The following FMO1 variants were observed in gnomAD, a reference collection of about 807,000 sequenced individuals.
The protein encoded by FMO1 is flavin-containing monooxygenase 1.
Under a neutral mutation model 45.4 loss-of-function variants are expected in FMO1, and 36 were observed. The observed-to-expected ratio is 0.79, with a 90% CI of 0.61 to 1.05. The LOEUF (loss-of-function observed/expected upper bound fraction) is 1.05, where lower values mean the gene tolerates loss of function less well. Ranked by LOEUF, FMO1 falls within the 50% of genes least tolerant of loss-of-function variation. The pLI is 0.00. For synonymous variants in FMO1, 228 were observed against 227.2 expected, an observed-to-expected ratio of 1.00 and a Z score of -0.03; for missense variants, 615 against 640.3, an observed-to-expected ratio of 0.96 and a Z score of 0.43.
intron 1 of FMO1, among the ~76,000 whole-genome samples, chr1:171,255,832 G>T (rs1660122759): frequency 6.6e-6 from 1 of 152,178 alleles, no homozygotes; most frequent in South Asian, 2.1e-4. Context: ...GCTATGGTCA[G>T]ACCTGCTGTC....
chr1:171,262,243 T>C (rs1050257478), intron 2 of FMO1, among the ~76,000 whole-genome samples: 2 of 152,164 alleles, frequency 1.3e-5, no homozygotes, highest in African/African-American at 4.8e-5. Context: ...GAGACCAGCC[T>C]GGTCAACATG....
rs28360433 is a variant in FMO1, at chr1:171,285,366, G to A, written c.1421G>A (p.Arg474His). The A allele has an allele frequency of 1.2e-5, 20 of 1,613,666 alleles. No individual in the cohort carries two copies. The highest frequency in any genetic ancestry group is 4.0e-5 in the African/African-American group (3 of 74,836). The change falls in exon 9 of 9, where the codon CGC (arginine) becomes CAC (histidine). Residue 474 changes from arginine to histidine, a missense_variant. By Grantham distance (29) the Arg-to-His change is conservative. Coordinates refer to ENST00000617670, the MANE Select transcript of FMO1 (RefSeq NM_001282693.2). ...FFGPCSPYQF[R>H]LTGPGKWEGA... ...GGCCCATGCTCACCATACCAGTTCC[G>A]CTTGACTGGCCCAGGAAAATGGGAA...
In FMO1 at chr1:171,282,285, A is replaced by C. The variant is rs774035741; in HGVS notation, c.1135A>C (p.Ile379Leu). 1 of 1,613,886 alleles carries C rather than the reference A, an allele frequency of 6.2e-7. No homozygotes were observed. Among genetic ancestry groups the C allele is most frequent in the South Asian group, 1.1e-5 (1 of 91,050 alleles). ...CCTCATCAAACCCTTGGGCTCCATGATACCTACAGGAGAAACACAAGCTCG... is the reference window on the plus strand; with the variant it reads ...CCTCATCAAACCCTTGGGCTCCATGCTACCTACAGGAGAAACACAAGCTCG... The part of the protein sequence containing the change: ...IGLIKPLGSM[I>L]PTGETQARWA... Residue 379 changes from isoleucine to leucine, a missense_variant, in exon 7 of 9, where the codon ATA becomes CTA. Transcript: ENST00000617670.
In FMO1 at chr1:171,282,309, C is replaced by A; in HGVS notation, c.1159C>A (p.Arg387=). The A allele has an allele frequency of 6.2e-7, 1 of 1,611,524 alleles. No individual in the cohort carries two copies. The highest frequency in any genetic ancestry group is 8.5e-7 in the Non-Finnish European group (1 of 1,178,254). ...GATACCTACAGGAGAAACACAAGCTCGGTGGGCTGTTCGAGTCCTGAAAGG... is the reference window on the plus strand; with the variant it reads ...GATACCTACAGGAGAAACACAAGCTAGGTGGGCTGTTCGAGTCCTGAAAGG... ...SMIPTGETQA[R]WAVRVLKGVN... is the part of the protein sequence containing the mutation. The change falls in exon 7 of 9, where the codon CGG becomes AGG. Residue 387 remains arginine, a synonymous_variant. Coordinates refer to ENST00000617670, the MANE Select transcript of FMO1 (RefSeq NM_001282693.2).
At chr1:171,270,961 T>A in intron 3 of FMO1, 1 of 865,568 alleles carries the variant, frequency 1.2e-6, no homozygotes, top group Non-Finnish European at 1.9e-6. Flanking sequence ...TTATTCATCA[T>A]CTTCTTCATC....
At chr1:171,270,992 C>T (rs528179743) in intron 3 of FMO1, 3 of 926,562 alleles carry the variant, frequency 3.2e-6, no homozygotes, top group East Asian at 2.6e-5. Flanking sequence ...TCATCTACCT[C>T]CTCATCATAA....
At chr1:171,260,589 G>A (rs961123249) in intron 2 of FMO1, among the ~76,000 whole-genome samples, 11 of 152,120 alleles carry the variant, frequency 7.2e-5, no homozygotes, top group African/African-American at 2.7e-4. Context: ...GCACCTGCAA[G>A]GGTAAAGAGG....
At chr1:171,268,154 A>G (rs527783373) in intron 3 of FMO1, among the ~76,000 whole-genome samples, 2 of 152,176 alleles carry the variant, frequency 1.3e-5, no homozygotes, top group South Asian at 4.2e-4. Context: ...TGGCATGATC[A>G]TGGCTCACTG....
At chr1:171,266,948 C>T (rs1467680489) in intron 2 of FMO1, among the ~76,000 whole-genome samples, 2 of 152,182 alleles carry the variant, frequency 1.3e-5, no homozygotes, top group Non-Finnish European at 2.9e-5. Context: ...TTTGTTAGTG[C>T]TTTGCCACAC....
chr1:171,275,928 T>G (rs1661089128), intron 4 of FMO1, among the ~76,000 whole-genome samples: 1 of 152,136 alleles, frequency 6.6e-6, no homozygotes, highest in African/African-American at 2.4e-5. Flanking sequence ...TTTTTTCTAT[T>G]TGTTCCTCTT....
chr1:171,270,979 T>C (rs1660835330), intron 3 of FMO1: 2 of 894,090 alleles, frequency 2.2e-6, no homozygotes, highest in Admixed American at 4.1e-5. Context: ...ATCTTCATCT[T>C]CTTCATCTAC....
intron 4 of FMO1, among the ~76,000 whole-genome samples, chr1:171,278,007 A>G (rs1173499737): frequency 6.6e-6 from 1 of 152,240 alleles, no homozygotes; most frequent in African/African-American, 2.4e-5. Flanking sequence ...CTGTTAAAAA[A>G]GAAAAAGAGT....
rs28360413 is a variant in FMO1 at position 171,280,993 on chromosome 1, T to C, written c.827+8T>C. 6.2e-6 allele frequency: 10 copies of C among 1,611,976 alleles called. No homozygotes were observed. The highest frequency in any genetic ancestry group is 2.2e-5 in the East Asian group (1 of 44,860). ...CTTAATACCAGAAGACAGGTAAATATAATGTGACTGCCAAGGGCTTTTAGG... is the reference window on the plus strand; with the variant it reads ...CTTAATACCAGAAGACAGGTAAATACAATGTGACTGCCAAGGGCTTTTAGG... On this transcript the variant is annotated splice_region_variant and intron_variant, in intron 6 of 8. Transcript: ENST00000617670.
rs115467877 is a variant in FMO1, at chr1:171,274,338, G to A, written c.322-1008G>A. 1.0e-2 allele frequency among the ~76,000 whole-genome samples: 1,503 copies of A among 150,762 alleles called. 26 individuals are homozygous for A. Among genetic ancestry groups the A allele is most frequent in the African/African-American group, 0.034 (1,377 of 41,022 alleles). ...TGCAATGACACTATCATGGCTCACT[G>A]AAGCCTTGACTTCCCAAGCACAGGT... is the stretch of plus-strand genomic sequence containing the variant. On this transcript the variant is annotated intron_variant, in intron 3 of 8. Transcript: ENST00000617670.
chr1:171,274,701 G>T (rs189358260), intron 3 of FMO1, among the ~76,000 whole-genome samples: 4 of 152,272 alleles, frequency 2.6e-5, no homozygotes, highest in Admixed American at 6.5e-5. Flanking sequence ...CTTGGTGAGT[G>T]AATAATTTAT....
intron 2 of FMO1, among the ~76,000 whole-genome samples, chr1:171,261,338 C>T (rs1660371170): frequency 6.6e-6 from 1 of 152,052 alleles, no homozygotes; most frequent in Admixed American, 6.5e-5. Context: ...CACACACACA[C>T]ACACAAAAGG....
chr1:171,271,478 G>T (rs888524216), intron 3 of FMO1: 3 of 956,180 alleles, frequency 3.1e-6, no homozygotes, highest in African/African-American at 1.6e-5. Context: ...ACTCTGAGAA[G>T]TTGACTGAAG....
intron 2 of FMO1, among the ~76,000 whole-genome samples, chr1:171,262,062 A>C: frequency 6.6e-6 from 1 of 152,228 alleles, no homozygotes; most frequent in Middle Eastern, 3.2e-3. Flanking sequence ...TGATACTTGA[A>C]ACAAAATTTG....
At chr1:171,260,912 C>CAAAAAAAAAA (rs71561566) in intron 2 of FMO1, among the ~76,000 whole-genome samples, 16 of 53,672 alleles carry the variant, frequency 3.0e-4, no homozygotes, top group East Asian at 6.6e-4. Flanking sequence ...GGCTCCATCT[C>CAAAAAAAAAA]AAAAAAAAAA....
Sources: gnomAD v4.1 joint callset for allele counts (sites outside exome capture counted in the v4.1 genomes callset) on GRCh38, gnomAD v4.1.1 for gene constraint, MANE v1.5 for transcripts, NCBI Gene and HGNC (gene_info 2026-07-23, HGNC 2026-07-21) for gene names.